NEK6: variants seen among roughly 807,000 people sequenced by gnomAD.
NEK6 encodes the protein serine/threonine-protein kinase Nek6.
Under a neutral mutation model 43.5 loss-of-function variants are expected in NEK6, and 27 were observed. The ratio of observed to expected loss-of-function variants is 0.62; its 90% CI spans 0.46 to 0.86. The LOEUF (loss-of-function observed/expected upper bound fraction) is 0.86. Ranked by LOEUF, NEK6 falls within the 40% of genes least tolerant of loss-of-function variation. NEK6 has a pLI of 0.00. For synonymous variants in NEK6, 167 were observed against 164.1 expected, an observed-to-expected ratio of 1.02 and a Z score of -0.14; for missense variants, 318 against 414.4, an observed-to-expected ratio of 0.77 and a Z score of 2.02.
intron 7 of NEK6, among the ~76,000 whole-genome samples, chr9:124,337,228 A>C (rs1018515858): frequency 2.0e-5 from 3 of 152,114 alleles, no homozygotes; most frequent in Admixed American, 6.5e-5. Flanking sequence ...CCTGCTGCCC[A>C]GAGATAACCC....
chr9:124,337,919 G>T (rs995811011), intron 7 of NEK6, among the ~76,000 whole-genome samples: 10 of 152,098 alleles, frequency 6.6e-5, no homozygotes, highest in Non-Finnish European at 1.2e-4. Context: ...TTTAACTTTG[G>T]TTTTTTTGTC....
intron 1 of NEK6, among the ~76,000 whole-genome samples, chr9:124,285,433 C>T (rs1260317731): frequency 6.6e-6 from 1 of 152,136 alleles, no homozygotes; most frequent in African/African-American, 2.4e-5. Context: ...AGAGTGGGTT[C>T]GTCTGTTCCT....
Position 124,326,357 on chromosome 9 carries a change from C to A in NEK6, c.433C>A (p.Pro145Thr). The change falls in exon 6 of 10, where the codon CCG becomes ACG. Residue 145 changes from proline (P) to threonine (T), a missense_variant. Physicochemically the swap from Pro to Thr is conservative, Grantham distance 38 (BLOSUM62 -1). Coordinates refer to ENST00000320246, the MANE Select transcript of NEK6 (RefSeq NM_014397.6). This position sits in a 1 kb window ranked among gnomAD's most constrained non-coding sequence, Gnocchi z 4.5. ...KYFKKQKRLI[P>T]ERTVWKYFVQ... ...CTTTAAGAAGCAGAAGCGGCTCATC[C>A]CGGAGAGGACAGTATGGAAGTACTT... The A allele has an allele frequency of 6.2e-7, 1 of 1,611,694 alleles. No individual in the cohort carries two copies. The highest frequency in any genetic ancestry group is 8.5e-7 in the Non-Finnish European group (1 of 1,179,924).
intron 1 of NEK6, among the ~76,000 whole-genome samples, chr9:124,271,477 C>T (rs140385751): frequency 8.5e-4 from 130 of 152,358 alleles, no homozygotes; most frequent in African/African-American, 2.9e-3. Context: ...CACTGTGCAC[C>T]GGAGACCCGG....
intron 8 of NEK6, among the ~76,000 whole-genome samples, chr9:124,341,380 T>G (rs931160983): frequency 2.4e-5 from 2 of 84,002 alleles, no homozygotes; most frequent in African/African-American, 7.9e-5. Flanking sequence ...CAGATGCGGG[T>G]GACAAGAGGG....
chr9:124,332,763 G>T (rs913929335), intron 7 of NEK6, among the ~76,000 whole-genome samples: 16 of 152,024 alleles, frequency 1.1e-4, no homozygotes, highest in Admixed American at 5.2e-4. Flanking sequence ...GGGGAAGCGG[G>T]GCCCCTTTAA....
At position 124,326,359 on chromosome 9, in the gene NEK6, G is replaced by A. The variant is rs372516510; in HGVS notation, c.435G>A (p.Pro145=). The A allele has an allele frequency of 9.9e-6, 16 of 1,611,576 alleles. No homozygotes were observed. Among genetic ancestry groups the A allele is most frequent in the South Asian group, 5.5e-5 (5 of 91,080 alleles). ...KYFKKQKRLI[P]ERTVWKYFVQ... The stretch of plus-strand genomic sequence containing the variant: ...TTAAGAAGCAGAAGCGGCTCATCCC[G>A]GAGAGGACAGTATGGAAGTACTTTG... The change falls in exon 6 of 10, where the codon CCG becomes CCA. Residue 145 remains proline, a synonymous_variant. Transcript: ENST00000320246. This position sits in a 1 kb window ranked among gnomAD's most constrained non-coding sequence, Gnocchi z 4.5.
chr9:124,312,456 A>G, intron 2 of NEK6, 53 bp from the exon 3 acceptor site: 2 of 1,579,052 alleles, frequency 1.3e-6, no homozygotes, highest in South Asian at 2.3e-5. Context: ...GGTCGTCCCC[A>G]GGCCTCTGCT....
At chr9:124,278,906 G>T (rs970208041) in intron 1 of NEK6, among the ~76,000 whole-genome samples, 2 of 152,152 alleles carry the variant, frequency 1.3e-5, no homozygotes, top group Non-Finnish European at 2.9e-5. Context: ...AGACCAGGGT[G>T]GGGGGACCAA....
In NEK6 at chr9:124,295,008, C is replaced by T. The variant is rs115170679; in HGVS notation, c.-29-6928C>T. 8.7e-3 allele frequency among the ~76,000 whole-genome samples: 1,331 copies of T among 152,162 alleles called. 26 individuals carry two copies. Among genetic ancestry groups the T allele is most frequent in the African/African-American group, 0.03 (1,244 of 41,490 alleles). On this transcript the variant is annotated intron_variant, in intron 1 of 9. Transcript: ENST00000320246. ...GGGTCCTGGGGGAGGGCGAGGCATC[C>T]GGAGGCTACAGCAGCCCTGTTTCTG...
At chr9:124,327,681 A>T (rs1025751409) in intron 7 of NEK6, among the ~76,000 whole-genome samples, 1 of 152,140 alleles carries the variant, frequency 6.6e-6, no homozygotes, top group Admixed American at 6.5e-5. Flanking sequence ...CTTGCGGGAG[A>T]AGCTGACTGA....
At chr9:124,292,032 C>T in intron 1 of NEK6, 1 of 995,094 alleles carries the variant, frequency 1.0e-6, no homozygotes, top group African/African-American at 1.7e-5. Context: ...TCATGTCTGC[C>T]CTCAACCCAG....
chr9:124,286,740 G>C (rs1295857301), intron 1 of NEK6, among the ~76,000 whole-genome samples: 1 of 152,214 alleles, frequency 6.6e-6, no homozygotes, highest in African/African-American at 2.4e-5. Flanking sequence ...TGAGGGGCCT[G>C]GTCACCTTCT....
chr9:124,309,195 C>T (rs190343113), intron 2 of NEK6, among the ~76,000 whole-genome samples: 31 of 152,334 alleles, frequency 2.0e-4, no homozygotes, highest in African/African-American at 7.0e-4. Flanking sequence ...CCCCAGCACA[C>T]GTGCTCCATC....
chr9:124,312,751 C>T (rs959187888), intron 3 of NEK6, 102 bp downstream of exon 3: 36 of 1,203,162 alleles, frequency 3.0e-5, no homozygotes, highest in Admixed American at 1.0e-4. Context: ...CTTCTGTGAA[C>T]GAGGGAAACA....
chr9:124,276,711 A>T (rs920715562), intron 1 of NEK6, among the ~76,000 whole-genome samples: 5 of 152,352 alleles, frequency 3.3e-5, no homozygotes, highest in Non-Finnish European at 7.3e-5. Context: ...TTAAACAATA[A>T]TTCCTCCTCC....
intron 1 of NEK6, among the ~76,000 whole-genome samples, chr9:124,262,170 A>T (rs1005512372): frequency 6.6e-6 from 1 of 152,078 alleles, no homozygotes; most frequent in Non-Finnish European, 1.5e-5. Context: ...CTGTCTTTTC[A>T]CTTATGACTC....
intron 9 of NEK6, among the ~76,000 whole-genome samples, chr9:124,348,403 C>T (rs1263503455): frequency 6.6e-6 from 1 of 152,150 alleles, no homozygotes; most frequent in Admixed American, 6.5e-5. Context: ...TATCTTATTC[C>T]TCGGCTCCGT....
At chr9:124,284,342 C>T (rs1275446794) in intron 1 of NEK6, among the ~76,000 whole-genome samples, 3 of 152,200 alleles carry the variant, frequency 2.0e-5, no homozygotes, top group African/African-American at 7.2e-5. Flanking sequence ...ACCGAGACTC[C>T]GTCTCTAAGT....
Sources: gnomAD v4.1 joint callset for allele counts (sites outside exome capture counted in the v4.1 genomes callset) on GRCh38, gnomAD v4.1.1 for gene constraint, Gnocchi (gnomAD v3.1) non-coding constraint, MANE v1.5 for transcripts, NCBI Gene and HGNC (gene_info 2026-07-23, HGNC 2026-07-21) for gene names.